BCAS3: variants seen among roughly 807,000 people sequenced by gnomAD.
The protein encoded by BCAS3 is BCAS3 microtubule associated cell migration factor.
In BCAS3, 53 loss-of-function variants were observed where a neutral mutation model predicts 116.1. That is an observed-to-expected ratio of 0.46 (90% CI 0.37 to 0.57). The LOEUF (loss-of-function observed/expected upper bound fraction) is 0.57. Ranked by LOEUF, BCAS3 falls within the 20% of genes least tolerant of loss-of-function variation. The pLI is 0.00. For synonymous variants in BCAS3, 391 were observed against 408.2 expected (o/e 0.96, Z 0.51); for missense variants, 917 against 1,165.4 (o/e 0.79, Z 3.10).
chr17:61,049,597 A>G (rs936083346), intron 19 of BCAS3, among the ~76,000 whole-genome samples: 1 of 151,894 alleles, frequency 6.6e-6, no homozygotes, highest in Non-Finnish European at 1.5e-5. Context: ...GGCATACCAA[A>G]GTGTATTATA....
rs2057356635 is a variant in BCAS3, at chr17:61,344,116, C to T, written c.2426-24211C>T. On this transcript the variant is annotated intron_variant, in intron 22 of 23. Coordinates refer to ENST00000407086, the MANE Select transcript of BCAS3 (RefSeq NM_017679.5). The surrounding 1 kb of genome is among the most constrained non-coding windows in gnomAD (Gnocchi z 4.1). ...GGACAGGCTAAGGATGCCGGCTAGC[C>T]CCCAATCCCAGAGAGCATGCAGCTG... Among the ~76,000 whole-genome samples, 1 of 152,094 alleles carries T rather than the reference C, an allele frequency of 6.6e-6. No individual in the cohort carries two copies. Among genetic ancestry groups the T allele is most frequent in the Admixed American group, 6.6e-5 (1 of 15,260 alleles).
In BCAS3 at chr17:60,779,992, AT is replaced by A. The variant is rs531877992; in HGVS notation, c.404-27997del. Reference sequence around the variant, plus strand: ...TATCTAAAAAACTTTACTATTTTTAATTTTTTTTTTTTTTTGAGATGGAGTC... The same window carrying A: ...TATCTAAAAAACTTTACTATTTTTAATTTTTTTTTTTTTTGAGATGGAGTC... On this transcript the variant is annotated intron_variant, in intron 6 of 23. Transcript: ENST00000407086. 5.7e-3 allele frequency among the ~76,000 whole-genome samples: 821 copies of A among 143,814 alleles called. 9 individuals are homozygous for A. The highest frequency in any genetic ancestry group is 0.017 in the South Asian group (77 of 4,550). The allele number at this position is 143,814 out of a possible 152,430, so 94.3% of individuals were successfully genotyped here. A position where few individuals can be genotyped will look rare whatever the true frequency, so the allele number is the denominator to read the frequency against.
intron 22 of BCAS3, among the ~76,000 whole-genome samples, chr17:61,247,286 A>G (rs946045598): frequency 2.6e-5 from 4 of 152,222 alleles, no homozygotes; most frequent in Admixed American, 2.0e-4. Context: ...TCTATAATAC[A>G]TCTTTCAGAA....
chr17:61,310,715 G>T (rs1455861862), intron 22 of BCAS3, among the ~76,000 whole-genome samples: 2 of 152,176 alleles, frequency 1.3e-5, no homozygotes, highest in African/African-American at 4.8e-5. Context: ...AGGGGGGCAG[G>T]CCTCTGTGCC....
At chr17:60,785,636 T>G (rs917781567) in intron 6 of BCAS3, among the ~76,000 whole-genome samples, 3 of 152,172 alleles carry the variant, frequency 2.0e-5, no homozygotes, top group African/African-American at 7.2e-5. Flanking sequence ...AAATACTGAG[T>G]TAGGTGTATA....
intron 22 of BCAS3, among the ~76,000 whole-genome samples, chr17:61,263,339 A>G (rs2049387766): frequency 6.6e-6 from 1 of 152,354 alleles, no homozygotes; most frequent in African/African-American, 2.4e-5. Flanking sequence ...CCCACCTGGC[A>G]GGCCTTCGGT....
At chr17:60,736,560 T>C (rs2040990614) in intron 5 of BCAS3, among the ~76,000 whole-genome samples, 1 of 152,154 alleles carries the variant, frequency 6.6e-6, no homozygotes, top group South Asian at 2.1e-4. Context: ...TTCTATATGC[T>C]TCTGTCTTCC....
At chr17:60,822,750 G>C (rs781599427) in intron 7 of BCAS3, among the ~76,000 whole-genome samples, 1 of 152,110 alleles carries the variant, frequency 6.6e-6, no homozygotes, top group East Asian at 1.9e-4. Context: ...GTGTTCTTGC[G>C]GTGTCCCCTC....
Position 61,380,385 on chromosome 17 carries a change from G to T in BCAS3, c.2594-11592G>T, listed in dbSNP as rs115219235. 1.2e-6 allele frequency: 1 copy of T among 868,698 alleles called. No individual in the cohort carries two copies. The highest frequency in any genetic ancestry group is 1.8e-6 in the Non-Finnish European group (1 of 543,786). The allele number at this position is 868,698 out of a possible 1,614,324, so 53.8% of individuals were successfully genotyped here. On this transcript the variant is annotated intron_variant, in intron 23 of 23. Coordinates refer to ENST00000407086, the MANE Select transcript of BCAS3 (RefSeq NM_017679.5). This position sits in a 1 kb window ranked among gnomAD's most constrained non-coding sequence, Gnocchi z 4.2. The stretch of plus-strand genomic sequence containing the variant: ...CTGGGAACAGACCATGAACACCCCC[G>T]CAAAGCTCTCAGTGGTCAAACCAGA...
rs1183735096 is a variant in BCAS3 at position 61,239,462 on chromosome 17, C to T, written c.2426-128865C>T. Among the ~76,000 whole-genome samples, 3 of 152,170 alleles carry T rather than the reference C, an allele frequency of 2.0e-5. No homozygotes were observed. The highest frequency in any genetic ancestry group is 4.4e-5 in the Non-Finnish European group (3 of 68,038). ...GTTCTGAAACCTTTGTGAACGCTTT[C>T]TGTAACTTATGAAGCTTTTGGAAAT... On this transcript the variant is annotated intron_variant, in intron 22 of 23. Transcript: ENST00000407086. The surrounding 1 kb of genome is among the most constrained non-coding windows in gnomAD (Gnocchi z 4.2).
chr17:61,271,011 C>G (rs1181595230), intron 22 of BCAS3, among the ~76,000 whole-genome samples: 3 of 152,078 alleles, frequency 2.0e-5, no homozygotes, highest in Admixed American at 6.6e-5. Context: ...CCTGCCTCAG[C>G]CTCCCAAAGT....
chr17:61,365,476 G>C lies in BCAS3; in HGVS notation c.2426-2851G>C, dbSNP rs950693550. Among the ~76,000 whole-genome samples the C allele has an allele frequency of 2.0e-5, 3 of 152,122 alleles. No individual in the cohort carries two copies. The highest frequency in any genetic ancestry group is 4.4e-5 in the Non-Finnish European group (3 of 68,024). On this transcript the variant is annotated intron_variant, in intron 22 of 23. Coordinates refer to ENST00000407086, the MANE Select transcript of BCAS3 (RefSeq NM_017679.5). This position sits in a 1 kb window ranked among gnomAD's most constrained non-coding sequence, Gnocchi z 4.6. ...AGCCTCTCGAGTAGCTGGGATTGCA[G>C]GTGCCCGCCACCATGCCCAGCTAAC...
intron 22 of BCAS3, among the ~76,000 whole-genome samples, chr17:61,306,586 C>T (rs1291355062): frequency 2.0e-5 from 3 of 151,982 alleles, no homozygotes; most frequent in Non-Finnish European, 2.9e-5. Flanking sequence ...AGACAAGTCT[C>T]GGCAATGTGA....
chr17:61,152,413 G>T (rs143902231), intron 22 of BCAS3, among the ~76,000 whole-genome samples: 1 of 152,056 alleles, frequency 6.6e-6, no homozygotes, highest in Non-Finnish European at 1.5e-5. Context: ...GCTACAGAGC[G>T]CTGATTGGTG....
chr17:61,196,228 AT>A lies in BCAS3; in HGVS notation c.2425+111670del, dbSNP rs561460559. Among the ~76,000 whole-genome samples, 3 of 152,100 alleles carry A rather than the reference AT, an allele frequency of 2.0e-5. No homozygotes were observed. Among genetic ancestry groups the A allele is most frequent in the Non-Finnish European group, 4.4e-5 (3 of 68,030 alleles). ...CGTAACACAGTGAATCTCAGAATTT[AT>A]TTTTTCAACTGATACTTCCAGCTCT... On this transcript the variant is annotated intron_variant, in intron 22 of 23. Transcript: ENST00000407086. This position sits in a 1 kb window ranked among gnomAD's most constrained non-coding sequence, Gnocchi z 4.7.
In BCAS3 at chr17:60,715,875, T is replaced by A. The variant is rs188994765; in HGVS notation, c.321+6550T>A. The stretch of plus-strand genomic sequence containing the variant: ...GAAGTTATTTTTTATTTTATTTTAT[T>A]TTTTTGAGATGGAGTCTTGCTCTGT... On this transcript the variant is annotated intron_variant, in intron 5 of 23. Transcript: ENST00000407086. 3.0e-4 allele frequency among the ~76,000 whole-genome samples: 45 copies of A among 152,148 alleles called. No homozygotes were observed. The East Asian group carries it at 8.5e-3, about 29-fold the overall frequency.
rs900519622 is a variant in BCAS3 at position 61,203,124 on chromosome 17, A to G, written c.2425+118560A>G. Among the ~76,000 whole-genome samples, 2 of 152,108 alleles carry G rather than the reference A, an allele frequency of 1.3e-5. No homozygotes were observed. Among genetic ancestry groups the G allele is most frequent in the Admixed American group, 1.3e-4 (2 of 15,262 alleles). On this transcript the variant is annotated intron_variant, in intron 22 of 23. Transcript: ENST00000407086. This position sits in a 1 kb window ranked among gnomAD's most constrained non-coding sequence, Gnocchi z 5.7. ...GTGTAGCTCCTAGATCTAAAAGGGAATAGTTTTTTCCCCTCACAATTTCAA... is the reference window on the plus strand; with the variant it reads ...GTGTAGCTCCTAGATCTAAAAGGGAGTAGTTTTTTCCCCTCACAATTTCAA...
In BCAS3 at chr17:61,222,822, C is replaced by T. The variant is rs2082181466; in HGVS notation, c.2425+138258C>T. Reference sequence around the variant, plus strand: ...AGTTTCCTTTTGCCTCAGTCAGCTGCCTTGAATGAAATTATCTGCTGCTGC... The same window carrying T: ...AGTTTCCTTTTGCCTCAGTCAGCTGTCTTGAATGAAATTATCTGCTGCTGC... On this transcript the variant is annotated intron_variant, in intron 22 of 23. Transcript: ENST00000407086. This position sits in a 1 kb window ranked among gnomAD's most constrained non-coding sequence, Gnocchi z 6.1. Among the ~76,000 whole-genome samples, 1 of 152,148 alleles carries T rather than the reference C, an allele frequency of 6.6e-6. No individual in the cohort carries two copies. The highest frequency in any genetic ancestry group is 1.5e-5 in the Non-Finnish European group (1 of 68,020).
intron 6 of BCAS3, among the ~76,000 whole-genome samples, chr17:60,799,763 C>G (rs2047594112): frequency 7.7e-6 from 1 of 129,210 alleles, no homozygotes; most frequent in Non-Finnish European, 1.5e-5. Context: ...ACCATGTTGG[C>G]CAGGCTGGTC....
Sources: allele counts gnomAD v4.1 joint callset (sites outside exome capture counted in the v4.1 genomes callset), GRCh38; gene constraint gnomAD v4.1.1; non-coding constraint Gnocchi (gnomAD v3.1); transcripts MANE v1.5; gene names NCBI Gene and HGNC (gene_info 2026-07-23, HGNC 2026-07-21).